Variants in SPIDR observed in about 807,000 individuals in gnomAD.
SPIDR encodes the protein DNA repair-scaffolding protein.
Under a neutral mutation model 104.6 loss-of-function variants are expected in SPIDR, and 93 were observed. The observed-to-expected ratio is 0.89, with a 90% CI of 0.75 to 1.06. The LOEUF is 1.06. Among genes scored for constraint, SPIDR ranks in the 50% least tolerant of loss-of-function variants. SPIDR has a pLI of 0.00. For missense variants in SPIDR, 1,154 were observed against 1,111.2 expected (o/e 1.04, Z -0.55); for synonymous variants, 431 against 416.9 (o/e 1.03, Z -0.41).
At chr8:47,322,812 A>G (rs2046954466) in intron 5 of SPIDR, among the ~76,000 whole-genome samples, 1 of 152,186 alleles carries the variant, frequency 6.6e-6, no homozygotes, top group South Asian at 2.1e-4. Context: ...GGTGGAAACC[A>G]TCATTCTCAG....
intron 16 of SPIDR, among the ~76,000 whole-genome samples, chr8:47,717,927 C>G (rs1225966017): frequency 2.0e-5 from 3 of 152,156 alleles, no homozygotes; most frequent in African/African-American, 7.2e-5. Context: ...GCCTTCAGAC[C>G]TCTGTGGGCT....
At chr8:47,381,244 G>C (rs1249933972) in intron 5 of SPIDR, among the ~76,000 whole-genome samples, 2 of 152,140 alleles carry the variant, frequency 1.3e-5, no homozygotes, top group Non-Finnish European at 2.9e-5. Context: ...TGTGTTACAT[G>C]AATAAATTTC....
intron 8 of SPIDR, among the ~76,000 whole-genome samples, chr8:47,440,905 C>G (rs553024477): frequency 6.6e-6 from 1 of 152,234 alleles, no homozygotes; most frequent in East Asian, 1.9e-4. Flanking sequence ...TTAAATATTT[C>G]TTAGTCACTT....
intron 3 of SPIDR, among the ~76,000 whole-genome samples, chr8:47,285,954 T>A (rs2038762172): frequency 6.6e-6 from 1 of 152,172 alleles, no homozygotes; most frequent in Admixed American, 6.5e-5. Context: ...AGCCTTGATA[T>A]CAAGGACACC....
At chr8:47,281,772 C>A (rs2037822820) in intron 2 of SPIDR, among the ~76,000 whole-genome samples, 2 of 152,190 alleles carry the variant, frequency 1.3e-5, no homozygotes, top group Admixed American at 1.3e-4. Context: ...GTATTTTGAC[C>A]TTCTGTCATG....
At chr8:47,440,791 G>T (rs1306919492) in intron 8 of SPIDR, among the ~76,000 whole-genome samples, 1 of 152,144 alleles carries the variant, frequency 6.6e-6, no homozygotes, top group East Asian at 1.9e-4. Flanking sequence ...TAAGACTCTT[G>T]CCCAAGTGAT....
intron 5 of SPIDR, chr8:47,330,867 C>A (rs2048546331): frequency 2.2e-6 from 1 of 454,096 alleles, no homozygotes; most frequent in Non-Finnish European, 4.4e-6. Flanking sequence ...TGAGTAGATA[C>A]CAAGCAGAGC....
At chr8:47,341,689 G>A (rs2050786651) in intron 5 of SPIDR, among the ~76,000 whole-genome samples, 1 of 152,098 alleles carries the variant, frequency 6.6e-6, no homozygotes, top group Admixed American at 6.5e-5. Flanking sequence ...CACTTCCTAA[G>A]TTTTGGTTTC....
intron 11 of SPIDR, among the ~76,000 whole-genome samples, chr8:47,686,093 G>A (rs1320191230): frequency 6.6e-6 from 1 of 152,156 alleles, no homozygotes. Context: ...GTTTGTTCTG[G>A]AAGGTGGATG....
intron 1 of SPIDR, among the ~76,000 whole-genome samples, chr8:47,266,635 A>T (rs1554546985): frequency 6.6e-6 from 1 of 152,234 alleles, no homozygotes; most frequent in Non-Finnish European, 1.5e-5. Flanking sequence ...CTAAGTATGT[A>T]ATTGCCAGAA....
intron 6 of SPIDR, among the ~76,000 whole-genome samples, chr8:47,399,568 G>T (rs1426080702): frequency 6.6e-6 from 1 of 152,204 alleles, no homozygotes; most frequent in East Asian, 1.9e-4. Context: ...CTGGAGAAGG[G>T]CTCCAGGGCT....
At chr8:47,266,222 C>A (rs1307671046) in intron 1 of SPIDR, among the ~76,000 whole-genome samples, 2 of 151,570 alleles carry the variant, frequency 1.3e-5, no homozygotes, top group Non-Finnish European at 2.9e-5. Context: ...TTTCCGCCTC[C>A]CCAGTTCAAA....
At chr8:47,371,888 T>C (rs1469788779) in intron 5 of SPIDR, among the ~76,000 whole-genome samples, 2 of 152,150 alleles carry the variant, frequency 1.3e-5, no homozygotes, top group Non-Finnish European at 2.9e-5. Context: ...TAACCGCTCA[T>C]ATTATTTGTC....
intron 8 of SPIDR, among the ~76,000 whole-genome samples, chr8:47,531,104 G>A (rs906668952): frequency 2.0e-5 from 3 of 152,012 alleles, no homozygotes; most frequent in African/African-American, 4.8e-5. Context: ...GCTATGTTGC[G>A]CAGGTTGGTC....
chr8:47,422,270 C>T (rs1554681408), intron 7 of SPIDR, among the ~76,000 whole-genome samples: 1 of 152,136 alleles, frequency 6.6e-6, no homozygotes, highest in Admixed American at 6.5e-5. Flanking sequence ...GTTTGAGCTT[C>T]CTGGCTGCTT....
intron 7 of SPIDR, among the ~76,000 whole-genome samples, chr8:47,439,233 A>G (rs1326005413): frequency 2.0e-5 from 3 of 152,288 alleles, no homozygotes; most frequent in South Asian, 4.1e-4. Context: ...CTCCTGAGTC[A>G]TACTCCTCTT....
intron 8 of SPIDR, among the ~76,000 whole-genome samples, chr8:47,443,466 G>C (rs567671508): frequency 6.6e-6 from 1 of 151,074 alleles, no homozygotes; most frequent in African/African-American, 2.4e-5. Context: ...AGCTACTCGG[G>C]AGGCAAAGGT....
intron 5 of SPIDR, among the ~76,000 whole-genome samples, chr8:47,317,094 G>A (rs1487914804): frequency 5.3e-5 from 8 of 152,208 alleles, no homozygotes; most frequent in Non-Finnish European, 7.4e-5. Context: ...GGGGAGTGTC[G>A]GAAAGTTGGT....
chr8:47,405,221 G>T (rs1168663164), intron 6 of SPIDR, among the ~76,000 whole-genome samples: 3 of 152,078 alleles, frequency 2.0e-5, no homozygotes, highest in Admixed American at 1.3e-4. Context: ...GGGGGATGGG[G>T]GAGGGATAGC....
Sources: gnomAD v4.1 joint callset for allele counts (sites outside exome capture counted in the v4.1 genomes callset) on GRCh38, gnomAD v4.1.1 for gene constraint, MANE v1.5 for transcripts, NCBI Gene and HGNC (gene_info 2026-07-23, HGNC 2026-07-21) for gene names.